Variants in TRMT9B observed in about 807,000 individuals in gnomAD.
The protein encoded by TRMT9B is probable tRNA methyltransferase 9B.
TRMT9B carries 16 observed loss-of-function variants against 11.5 expected under a neutral mutation model. The observed-to-expected ratio is 1.39, with a 90% CI of 0.94 to 2.11. The LOEUF (loss-of-function observed/expected upper bound fraction) is 2.11. Among genes scored for constraint, TRMT9B ranks in the 30% most tolerant of loss-of-function variants. TRMT9B has a pLI of 0.00. For synonymous variants in TRMT9B, 274 were observed against 192.4 expected, an observed-to-expected ratio of 1.42 and a Z score of -3.51; for missense variants, 941 against 553.8, an observed-to-expected ratio of 1.70 and a Z score of -7.02.
chr8:13,016,015 G>T (rs539847406), intron 4 of TRMT9B, among the ~76,000 whole-genome samples: 2 of 151,284 alleles, frequency 1.3e-5, no homozygotes, highest in South Asian at 4.2e-4. Context: ...GGAGGCTGGG[G>T]TGAGAGGATC....
At chr8:13,012,976 A>G in intron 4 of TRMT9B, 119 bp downstream of exon 4, 2 of 1,237,270 alleles carry the variant, frequency 1.6e-6, no homozygotes, top group Middle Eastern at 3.0e-4. Flanking sequence ...TATTTTATCT[A>G]ATTTAAAAAA....
At chr8:13,005,568 C>G (rs927559792) in intron 2 of TRMT9B, among the ~76,000 whole-genome samples, 1 of 151,968 alleles carries the variant, frequency 6.6e-6, no homozygotes, top group African/African-American at 2.4e-5. Flanking sequence ...CTACTATGTA[C>G]CCACAAAAAT....
chr8:12,991,692 G>A (rs1473702104), intron 2 of TRMT9B, among the ~76,000 whole-genome samples: 3 of 152,140 alleles, frequency 2.0e-5, no homozygotes, highest in African/African-American at 7.2e-5. Flanking sequence ...CAGCACTTTG[G>A]GAGGCCGAGG....
chr8:12,948,870 G>A (rs1800398191), intron 1 of TRMT9B, among the ~76,000 whole-genome samples: 1 of 152,186 alleles, frequency 6.6e-6, no homozygotes, highest in Non-Finnish European at 1.5e-5. Flanking sequence ...TGAGGCAGGA[G>A]AATGGCGTGA....
intron 2 of TRMT9B, among the ~76,000 whole-genome samples, chr8:12,999,599 A>G (rs969192109): frequency 2.0e-5 from 3 of 152,240 alleles, no homozygotes; most frequent in African/African-American, 7.2e-5. Context: ...TGAATTCACT[A>G]AACGTATTTA....
intron 4 of TRMT9B, among the ~76,000 whole-genome samples, chr8:13,019,220 G>T (rs558301851): frequency 9.9e-5 from 15 of 152,242 alleles, no homozygotes; most frequent in African/African-American, 3.6e-4. Flanking sequence ...CATAGAAGAC[G>T]CTCTAAAGTG....
intron 4 of TRMT9B, among the ~76,000 whole-genome samples, chr8:13,019,516 A>G (rs1219567123): frequency 1.3e-5 from 2 of 151,880 alleles, no homozygotes; most frequent in African/African-American, 2.4e-5. Context: ...CTGGTCTCAA[A>G]CTCCTGGCCT....
rs1370626893 is a variant in TRMT9B at position 13,016,166 on chromosome 8, TATAAAC to T, written c.328+3313_328+3318del. Among the ~76,000 whole-genome samples the T allele has an allele frequency of 4.6e-4, 46 of 100,860 alleles. 1 individual carries two copies. Among genetic ancestry groups the T allele is most frequent in the Non-Finnish European group, 4.8e-4 (24 of 49,840 alleles). The allele number at this position is 100,860 out of a possible 152,430, so 66.2% of individuals were successfully genotyped here. A position where few individuals can be genotyped will look rare whatever the true frequency, so the allele number is the denominator to read the frequency against. On this transcript the variant is annotated intron_variant, in intron 4 of 4. Coordinates refer to ENST00000524591, the MANE Select transcript of TRMT9B (RefSeq NM_020844.3). ...GGACCCTGTACCTGAAAATCATATA[TATAAAC>T]ATATATAAATATAAATGTGAAATAT...
In TRMT9B at chr8:13,021,034, A is replaced by G; in HGVS notation, c.355A>G (p.Arg119Gly). The change falls in exon 5 of 5, where the codon AGA becomes GGA. Residue 119 changes from arginine to glycine, a missense_variant. Transcript: ENST00000524591. The part of the protein sequence containing the change: ...GVIHHFSTKQ[R>G]RIRAIKEMAR... ...CATACATCATTTTTCTACAAAACAA[A>G]GAAGAATCAGAGCAATAAAAGAAAT... 1 of 1,562,808 alleles carries G rather than the reference A, an allele frequency of 6.4e-7. No individual in the cohort carries two copies. Among genetic ancestry groups the G allele is most frequent in the Non-Finnish European group, 8.6e-7 (1 of 1,156,282 alleles).
At chr8:12,964,665 C>T (rs978897889) in intron 1 of TRMT9B, among the ~76,000 whole-genome samples, 3 of 152,144 alleles carry the variant, frequency 2.0e-5, no homozygotes, top group Non-Finnish European at 4.4e-5. Flanking sequence ...GCCTCAAACT[C>T]CCGGGCTCAA....
chr8:12,988,644 G>A (rs1351425601), intron 1 of TRMT9B, among the ~76,000 whole-genome samples: 1 of 152,032 alleles, frequency 6.6e-6, no homozygotes, highest in African/African-American at 2.4e-5. Flanking sequence ...GATCTCTTGA[G>A]AACTCACTCA....
At chr8:12,992,579 C>T (rs555880108) in intron 2 of TRMT9B, among the ~76,000 whole-genome samples, 1 of 152,152 alleles carries the variant, frequency 6.6e-6, no homozygotes, top group South Asian at 2.1e-4. Context: ...TGACTGGGCA[C>T]AGTGGCTCAT....
chr8:12,973,812 A>G (rs1803999132), intron 1 of TRMT9B, among the ~76,000 whole-genome samples: 1 of 152,152 alleles, frequency 6.6e-6, no homozygotes. Flanking sequence ...AACAGCCTTT[A>G]GTTCCCACCG....
chr8:12,963,880 A>G (rs1279112371), intron 1 of TRMT9B, among the ~76,000 whole-genome samples: 1 of 152,232 alleles, frequency 6.6e-6, no homozygotes, highest in Non-Finnish European at 1.5e-5. Flanking sequence ...AGATCTGTGG[A>G]CATGTGGAAT....
intron 1 of TRMT9B, among the ~76,000 whole-genome samples, chr8:12,956,230 A>G (rs1010664172): frequency 1.3e-5 from 2 of 152,218 alleles, no homozygotes; most frequent in Non-Finnish European, 2.9e-5. Context: ...GTGACAATCC[A>G]TCATGCCTAA....
At chr8:13,001,553 G>A (rs540702411) in intron 2 of TRMT9B, among the ~76,000 whole-genome samples, 2 of 152,256 alleles carry the variant, frequency 1.3e-5, no homozygotes, top group South Asian at 2.1e-4. Flanking sequence ...TTTGTTTTGG[G>A]GACATTCTTA....
intron 1 of TRMT9B, among the ~76,000 whole-genome samples, chr8:12,953,122 C>T (rs1387107689): frequency 1.3e-5 from 2 of 152,124 alleles, no homozygotes; most frequent in African/African-American, 4.8e-5. Flanking sequence ...AGGCTGTAAA[C>T]GTCTACTTGC....
chr8:13,002,923 G>T (rs139068970), intron 2 of TRMT9B, among the ~76,000 whole-genome samples: 3 of 152,242 alleles, frequency 2.0e-5, no homozygotes, highest in African/African-American at 4.8e-5. Flanking sequence ...TGCAGGTGTA[G>T]TGTCCCCTCC....
chr8:12,980,130 A>T (rs555684113), intron 1 of TRMT9B, among the ~76,000 whole-genome samples: 1 of 152,160 alleles, frequency 6.6e-6, no homozygotes, highest in Non-Finnish European at 1.5e-5. Flanking sequence ...AACAACAGAA[A>T]TGTATTCTCT....
Sources: gnomAD v4.1 joint callset for allele counts (sites outside exome capture counted in the v4.1 genomes callset) on GRCh38, gnomAD v4.1.1 for gene constraint, MANE v1.5 for transcripts, NCBI Gene and HGNC (gene_info 2026-07-23, HGNC 2026-07-21) for gene names.